NCOA6: variants seen among roughly 807,000 people sequenced by gnomAD.
The protein encoded by NCOA6 is nuclear receptor coactivator 6.
In NCOA6, 49 loss-of-function variants were observed where a neutral mutation model predicts 171.4. That is an observed-to-expected ratio of 0.29 (90% CI 0.23 to 0.36). The LOEUF (loss-of-function observed/expected upper bound fraction) is 0.36, where lower values mean the gene tolerates loss of function less well. Among genes scored for constraint, NCOA6 ranks in the 10% least tolerant of loss-of-function variants. The probability of loss-of-function intolerance (pLI) is 1.00; values close to 1 mark genes in which losing one functional copy is unlikely to be tolerated. For synonymous variants in NCOA6, 910 were observed against 927.5 expected, an observed-to-expected ratio of 0.98 and a Z score of 0.34; for missense variants, 2,248 against 2,554.5, an observed-to-expected ratio of 0.88 and a Z score of 2.59.
chr20:34,809,884 C>T (rs1041792293), intron 1 of NCOA6, among the ~76,000 whole-genome samples: 2 of 152,188 alleles, frequency 1.3e-5, no homozygotes, highest in Non-Finnish European at 1.5e-5. Context: ...AGGAGAATCA[C>T]TTGAACCTGG....
rs112051697 is a variant in NCOA6 at position 34,743,163 on chromosome 20, TTGCTGC to T, written c.3087_3092del (p.Gln1031_Gln1032del). On this transcript the variant is annotated inframe_deletion, in exon 11 of 15. Coordinates refer to ENST00000359003, the MANE Select transcript of NCOA6 (RefSeq NM_014071.5). ...GCATCATGAGCATCATCATCATTTG[TTGCTGC>T]TGCTGCTGCTGCTGCTGAGACTGTG... 6.2e-6 allele frequency: 10 copies of T among 1,613,090 alleles called. No individual in the cohort carries two copies. Among genetic ancestry groups the T allele is most frequent in the Admixed American group, 1.7e-5 (1 of 59,916 alleles).
intron 2 of NCOA6, among the ~76,000 whole-genome samples, chr20:34,783,936 T>C (rs2077588060): frequency 6.8e-6 from 1 of 147,362 alleles, no homozygotes; most frequent in South Asian, 2.1e-4. Flanking sequence ...ATGGCACTTA[T>C]TTATTTATGG....
chr20:34,813,232 G>A (rs1242475626), intron 1 of NCOA6, among the ~76,000 whole-genome samples: 3 of 151,792 alleles, frequency 2.0e-5, no homozygotes, highest in South Asian at 2.1e-4. Flanking sequence ...TTGGGAGGCC[G>A]AGGAGGGTGG....
At chr20:34,725,916 A>C (rs555028493) in intron 14 of NCOA6, among the ~76,000 whole-genome samples, 32 of 152,340 alleles carry the variant, frequency 2.1e-4, no homozygotes, top group African/African-American at 7.2e-4. Flanking sequence ...ATACAAATTT[A>C]CAAGTCATCT....
At chr20:34,810,556 T>C (rs1012923476) in intron 1 of NCOA6, among the ~76,000 whole-genome samples, 3 of 152,050 alleles carry the variant, frequency 2.0e-5, no homozygotes, top group African/African-American at 7.2e-5. Context: ...TTTTCTTTTT[T>C]TTTTTTTGTT....
intron 1 of NCOA6, among the ~76,000 whole-genome samples, chr20:34,809,266 AT>A (rs1404423981): frequency 6.6e-6 from 1 of 152,236 alleles, no homozygotes; most frequent in African/African-American, 2.4e-5. Context: ...AGCAGATCTT[AT>A]TTAATTTAGT....
At chr20:34,728,071 A>T (rs184727125) in intron 13 of NCOA6, among the ~76,000 whole-genome samples, 1 of 152,302 alleles carries the variant, frequency 6.6e-6, no homozygotes, top group East Asian at 1.9e-4. Context: ...AAATTAAAAC[A>T]TTTTGGATTT....
At chr20:34,768,721 G>C in intron 4 of NCOA6, 135 bp from the exon 5 acceptor site, 1 of 984,116 alleles carries the variant, frequency 1.0e-6, no homozygotes, top group South Asian at 1.7e-5. Flanking sequence ...AAAAATGGTG[G>C]GTTCAATGTA....
At chr20:34,777,811 T>C (rs1392541827) in intron 3 of NCOA6, among the ~76,000 whole-genome samples, 2 of 152,182 alleles carry the variant, frequency 1.3e-5, no homozygotes, top group South Asian at 2.1e-4. Context: ...ACCATATTCA[T>C]AGCAGCATTA....
chr20:34,750,803 T>C (rs965315911), intron 8 of NCOA6, among the ~76,000 whole-genome samples: 1 of 152,184 alleles, frequency 6.6e-6, no homozygotes, highest in Non-Finnish European at 1.5e-5. Context: ...CAAGAAAGTT[T>C]ACTTTCTTTC....
intron 9 of NCOA6, among the ~76,000 whole-genome samples, chr20:34,747,463 C>T (rs1350968411): frequency 6.6e-6 from 1 of 152,166 alleles, no homozygotes; most frequent in African/African-American, 2.4e-5. Flanking sequence ...AATTTGCAGA[C>T]ATCTCTATTT....
chr20:34,816,223 T>C (rs1410973709), intron 1 of NCOA6, among the ~76,000 whole-genome samples: 1 of 152,200 alleles, frequency 6.6e-6, no homozygotes, highest in African/African-American at 2.4e-5. Context: ...CTCTATGTTA[T>C]CTCAAACACT....
Position 34,782,117 on chromosome 20 carries a change from T to C in NCOA6, c.235+4A>G. The C allele has an allele frequency of 6.5e-7, 1 of 1,542,806 alleles. No individual in the cohort carries two copies. The highest frequency in any genetic ancestry group is 1.2e-5 in the South Asian group (1 of 84,294). On this transcript the variant is annotated splice_donor_region_variant and intron_variant, in intron 3 of 14. Transcript: ENST00000359003. ...AGGAAGAAAAAATAATTAAAGCAAATTACCCATGTGTAACAAATTGGGCAC... is the reference window on the plus strand; with the variant it reads ...AGGAAGAAAAAATAATTAAAGCAAACTACCCATGTGTAACAAATTGGGCAC...
At chr20:34,756,003 C>G (rs1371647347) in intron 7 of NCOA6, among the ~76,000 whole-genome samples, 3 of 152,208 alleles carry the variant, frequency 2.0e-5, no homozygotes, top group African/African-American at 7.2e-5. Flanking sequence ...TCCCAAAGTG[C>G]TGGGATTACA....
At position 34,741,557 on chromosome 20, in the gene NCOA6, C is replaced by G; in HGVS notation, c.4699G>C (p.Val1567Leu). 6.2e-7 allele frequency: 1 copy of G among 1,614,164 alleles called. No individual in the cohort carries two copies. Among genetic ancestry groups the G allele is most frequent in the Non-Finnish European group, 8.5e-7 (1 of 1,180,040 alleles). The change falls in exon 11 of 15, where the codon GTC (valine) becomes CTC (leucine). Residue 1567 changes from valine (V) to leucine (L), a missense_variant. Transcript: ENST00000359003. Reference protein sequence around the residue: ...SSLVHPELSEVSSNVAPSIPP... With the variant: ...SSLVHPELSELSSNVAPSIPP... ...ATGCTTGGTGCAACGTTAGAACTGA[C>G]CTCACTCAATTCGGGATGCACAAGG... is the stretch of plus-strand genomic sequence containing the variant.
chr20:34,773,072 G>A (rs1338212157), intron 4 of NCOA6, among the ~76,000 whole-genome samples: 1 of 152,150 alleles, frequency 6.6e-6, no homozygotes, highest in Non-Finnish European at 1.5e-5. Flanking sequence ...TGGGCCAAAT[G>A]CAGCCCACTG....
chr20:34,736,702 C>G lies in NCOA6; in HGVS notation c.5950G>C (p.Val1984Leu), dbSNP rs1441305773. Residue 1984 changes from valine to leucine, a missense_variant, in exon 12 of 15, where the codon GTT becomes CTT. Physicochemically the swap from Val to Leu is conservative, Grantham distance 32 (BLOSUM62 1). Transcript: ENST00000359003. ...ETSTTALQAS[V>L]ARPELEVNAA... ...AAGTACGCCTTACCTGGTCTGGCAA[C>G]AGAGGCCTGCAGTGCTGTGGTTGAA... 2.5e-6 allele frequency: 4 copies of G among 1,608,730 alleles called. No individual in the cohort carries two copies. The highest frequency in any genetic ancestry group is 2.5e-6 in the Non-Finnish European group (3 of 1,177,182).
intron 1 of NCOA6, among the ~76,000 whole-genome samples, chr20:34,810,044 T>C (rs888383907): frequency 4.6e-5 from 7 of 152,236 alleles, no homozygotes; most frequent in African/African-American, 1.4e-4. Context: ...AAGCTTATAA[T>C]CATCAAAGAG....
intron 4 of NCOA6, among the ~76,000 whole-genome samples, chr20:34,772,088 G>A (rs914768742): frequency 3.3e-5 from 5 of 152,164 alleles, no homozygotes; most frequent in Non-Finnish European, 7.4e-5. Flanking sequence ...CACTTTGGGA[G>A]GCCAAGGTGG....
Sources: gnomAD v4.1 joint callset for allele counts (sites outside exome capture counted in the v4.1 genomes callset) on GRCh38, gnomAD v4.1.1 for gene constraint, MANE v1.5 for transcripts, NCBI Gene and HGNC (gene_info 2026-07-23, HGNC 2026-07-21) for gene names.